STK39: variants seen among roughly 807,000 people sequenced by gnomAD.
STK39 encodes STE20/SPS1-related proline-alanine-rich protein kinase.
A neutral mutation model predicts 77.8 loss-of-function variants in STK39; 20 were observed. The observed-to-expected ratio is 0.26, with a 90% CI of 0.18 to 0.37. The LOEUF is 0.37. Ranked by LOEUF, STK39 falls within the 10% of genes least tolerant of loss-of-function variation. The pLI is 1.00. For missense variants in STK39, 479 were observed against 656.5 expected (o/e 0.73, Z 2.95); for synonymous variants, 246 against 234.1 (o/e 1.05, Z -0.47).
rs768338564 is a variant in STK39, at chr2:168,012,617, A to G, written c.1498+17T>C. 2 of 1,610,812 alleles carry G rather than the reference A, an allele frequency of 1.2e-6. No homozygotes were observed. The highest frequency in any genetic ancestry group is 1.7e-5 in the Admixed American group (1 of 59,778). ...ATATACCAACAAAATGACAGTGCAT[A>G]CTAAAAAACAATTTACCTATAACTA... is the stretch of plus-strand genomic sequence containing the variant. On this transcript the variant is annotated intron_variant, in intron 16 of 17. Coordinates refer to ENST00000355999, the MANE Select transcript of STK39 (RefSeq NM_013233.3).
At chr2:168,039,129 AT>A (rs750401435) in intron 14 of STK39, among the ~76,000 whole-genome samples, 55 of 152,298 alleles carry the variant, frequency 3.6e-4, no homozygotes, top group Non-Finnish European at 4.4e-4. Flanking sequence ...CTGAAAAAAA[AT>A]CCCCAAATGT....
intron 10 of STK39, among the ~76,000 whole-genome samples, chr2:168,122,247 C>T (rs1458315043): frequency 6.6e-6 from 1 of 152,118 alleles, no homozygotes; most frequent in East Asian, 1.9e-4. Context: ...CATGTTTACT[C>T]AGTGCTTAAT....
intron 5 of STK39, among the ~76,000 whole-genome samples, chr2:168,144,819 G>T (rs1189946053): frequency 6.6e-6 from 1 of 151,874 alleles, no homozygotes; most frequent in African/African-American, 2.4e-5. Flanking sequence ...TATTTGTCGG[G>T]CATGATAGTT....
intron 16 of STK39, among the ~76,000 whole-genome samples, chr2:167,996,956 T>C (rs1187813108): frequency 1.3e-5 from 2 of 151,300 alleles, no homozygotes; most frequent in Non-Finnish European, 1.5e-5. Context: ...GAGAGGGTCA[T>C]TGCAGTTACT....
chr2:168,159,519 AG>A (rs1309151966), intron 5 of STK39, among the ~76,000 whole-genome samples: 2 of 152,238 alleles, frequency 1.3e-5, no homozygotes, highest in African/African-American at 2.4e-5. Context: ...TACCTTTCCA[AG>A]GAGACATTAA....
chr2:168,059,289 G>A (rs1685603353), intron 14 of STK39, among the ~76,000 whole-genome samples: 1 of 152,164 alleles, frequency 6.6e-6, no homozygotes, highest in Non-Finnish European at 1.5e-5. Context: ...ACGATAATGG[G>A]ATGTCACTCC....
chr2:168,152,678 C>G (rs1688321063), intron 5 of STK39, among the ~76,000 whole-genome samples: 1 of 152,156 alleles, frequency 6.6e-6, no homozygotes, highest in African/African-American at 2.4e-5. Context: ...TCTGAAGGAA[C>G]TATTGTGCTG....
At chr2:168,003,193 G>A (rs1425856189) in intron 16 of STK39, among the ~76,000 whole-genome samples, 1 of 152,066 alleles carries the variant, frequency 6.6e-6, no homozygotes, top group Admixed American at 6.6e-5. Flanking sequence ...GGTCAGGCTG[G>A]TCTTGAACTC....
At chr2:168,132,196 G>A (rs982158073) in intron 8 of STK39, among the ~76,000 whole-genome samples, 4 of 152,074 alleles carry the variant, frequency 2.6e-5, no homozygotes, top group Admixed American at 2.6e-4. Flanking sequence ...AAATAACTTG[G>A]ATTTTAATTT....
At chr2:168,130,536 A>G (rs1288496570) in intron 8 of STK39, among the ~76,000 whole-genome samples, 1 of 152,116 alleles carries the variant, frequency 6.6e-6, no homozygotes, top group African/African-American at 2.4e-5. Flanking sequence ...AAATTTAACC[A>G]TCAGTCCCCA....
intron 14 of STK39, among the ~76,000 whole-genome samples, chr2:168,034,072 AG>A (rs1684892612): frequency 6.6e-6 from 1 of 152,196 alleles, no homozygotes; most frequent in South Asian, 2.1e-4. Context: ...ACAAGAGTGT[AG>A]GTATCAAATC....
intron 10 of STK39, among the ~76,000 whole-genome samples, chr2:168,127,576 T>C (rs1158971847): frequency 1.3e-5 from 2 of 152,212 alleles, no homozygotes; most frequent in Non-Finnish European, 2.9e-5. Flanking sequence ...TCAGTTTGGC[T>C]GGAGGTTAGA....
At chr2:168,023,425 G>A (rs568042579) in intron 14 of STK39, among the ~76,000 whole-genome samples, 12 of 152,210 alleles carry the variant, frequency 7.9e-5, no homozygotes, top group African/African-American at 2.2e-4. Flanking sequence ...GAACACGAAC[G>A]GACACCCATC....
At chr2:168,002,111 C>A (rs941649482) in intron 16 of STK39, among the ~76,000 whole-genome samples, 5 of 152,248 alleles carry the variant, frequency 3.3e-5, no homozygotes, top group Admixed American at 1.3e-4. Flanking sequence ...AACTAATCCA[C>A]TGGCAAGCTC....
intron 1 of STK39, among the ~76,000 whole-genome samples, chr2:168,189,706 A>AT (rs914138892): frequency 2.0e-5 from 3 of 152,166 alleles, no homozygotes; most frequent in African/African-American, 7.2e-5. Flanking sequence ...AACACAATAG[A>AT]TTTTTTTAAA....
intron 14 of STK39, among the ~76,000 whole-genome samples, chr2:168,054,071 T>C (rs1685462733): frequency 6.6e-6 from 1 of 152,236 alleles, no homozygotes; most frequent in Non-Finnish European, 1.5e-5. Flanking sequence ...AGAAAAATAT[T>C]TTCCAATATT....
chr2:168,200,104 A>G (rs972629374), intron 1 of STK39, among the ~76,000 whole-genome samples: 3 of 152,206 alleles, frequency 2.0e-5, no homozygotes, highest in African/African-American at 7.2e-5. Context: ...TCCGTTTTCC[A>G]TTCACCTTCA....
intron 5 of STK39, among the ~76,000 whole-genome samples, chr2:168,143,814 C>A (rs966768073): frequency 6.6e-6 from 1 of 152,202 alleles, no homozygotes; most frequent in African/African-American, 2.4e-5. Context: ...CAGATTCAGA[C>A]AGTAAGCTCC....
intron 10 of STK39, among the ~76,000 whole-genome samples, chr2:168,109,763 G>A (rs895904969): frequency 2.0e-5 from 3 of 152,154 alleles, no homozygotes; most frequent in Admixed American, 6.5e-5. Context: ...TGATCAATTA[G>A]GGGTAAAATG....
Sources: gnomAD v4.1 joint callset for allele counts (sites outside exome capture counted in the v4.1 genomes callset) on GRCh38, gnomAD v4.1.1 for gene constraint, MANE v1.5 for transcripts, NCBI Gene and HGNC (gene_info 2026-07-23, HGNC 2026-07-21) for gene names.